Variants in FNIP1 observed in about 807,000 individuals in gnomAD.
The protein encoded by FNIP1 is folliculin-interacting protein 1.
FNIP1 carries 40 observed loss-of-function variants against 124.5 expected under a neutral mutation model. The ratio of observed to expected loss-of-function variants is 0.32; its 90% confidence interval spans 0.25 to 0.42. The LOEUF (loss-of-function observed/expected upper bound fraction) is 0.42, where lower values mean the gene tolerates loss of function less well. Ranked by LOEUF, FNIP1 falls within the 10% of genes least tolerant of loss-of-function variation. The pLI is 1.00. For synonymous variants in FNIP1, 472 were observed against 470.6 expected, an observed-to-expected ratio of 1.00 and a Z score of -0.04; for missense variants, 1,176 against 1,403.7, an observed-to-expected ratio of 0.84 and a Z score of 2.59.
At chr5:131,719,204 T>A in intron 4 of FNIP1, 113 bp downstream of exon 4, 3 of 1,161,032 alleles carry the variant, frequency 2.6e-6, no homozygotes, top group Non-Finnish European at 3.7e-6. Context: ...ATAGAACATG[T>A]TAAATGGAGT....
intron 16 of FNIP1, among the ~76,000 whole-genome samples, chr5:131,650,039 G>C (rs1299401913): frequency 1.3e-5 from 2 of 152,118 alleles, no homozygotes; most frequent in East Asian, 1.9e-4. Flanking sequence ...AATAAGTTTT[G>C]AAATCAAGAA....
chr5:131,709,220 G>A lies in FNIP1; in HGVS notation c.759C>T (p.Asp253=). The A allele has an allele frequency of 6.2e-7, 1 of 1,614,004 alleles. No individual in the cohort carries two copies. The highest frequency in any genetic ancestry group is 8.5e-7 in the Non-Finnish European group (1 of 1,179,904). Residue 253 remains aspartate (D), a synonymous_variant, in exon 8 of 18, where the codon GAC becomes GAT. Coordinates refer to ENST00000510461, the MANE Select transcript of FNIP1 (RefSeq NM_133372.3). ...CATTACCAGACCGTGCTATGCCACT[G>A]TCTCTGTCCTCATTGAGCTCTCTTC... is the stretch of plus-strand genomic sequence containing the variant. ...MPGRELNEDR[D]SGIARSASLS...
intron 2 of FNIP1, among the ~76,000 whole-genome samples, chr5:131,734,612 A>G (rs1770221896): frequency 6.6e-6 from 1 of 152,206 alleles, no homozygotes. Flanking sequence ...ACAAATTTAC[A>G]AGAAAAAAAA....
chr5:131,659,560 A>G (rs1767344568), intron 15 of FNIP1, among the ~76,000 whole-genome samples: 1 of 152,178 alleles, frequency 6.6e-6, no homozygotes, highest in Non-Finnish European at 1.5e-5. Flanking sequence ...TGAGGTAGTT[A>G]GTAAGGTCCC....
intron 11 of FNIP1, among the ~76,000 whole-genome samples, chr5:131,692,871 G>A (rs1446488525): frequency 6.6e-6 from 1 of 151,902 alleles, no homozygotes; most frequent in African/African-American, 2.4e-5. Context: ...AGCCAAGTGT[G>A]GAGGCACACA....
At chr5:131,735,497 A>G (rs1395434505) in intron 2 of FNIP1, among the ~76,000 whole-genome samples, 1 of 148,608 alleles carries the variant, frequency 6.7e-6, no homozygotes, top group Non-Finnish European at 1.5e-5. Flanking sequence ...ATATATACGT[A>G]TAAAATATGT....
At chr5:131,750,308 G>A (rs1481007006) in intron 1 of FNIP1, among the ~76,000 whole-genome samples, 5 of 152,196 alleles carry the variant, frequency 3.3e-5, no homozygotes, top group East Asian at 3.9e-4. Flanking sequence ...CTGAAAAAAC[G>A]CAAAGAAGGA....
intron 1 of FNIP1, among the ~76,000 whole-genome samples, chr5:131,762,955 G>A (rs1383173360): frequency 6.6e-6 from 1 of 152,086 alleles, no homozygotes; most frequent in Non-Finnish European, 1.5e-5. Flanking sequence ...TTAATTGTGG[G>A]AGCTAAAAAT....
At chr5:131,722,398 T>C (rs1769697740) in intron 3 of FNIP1, among the ~76,000 whole-genome samples, 1 of 152,216 alleles carries the variant, frequency 6.6e-6, no homozygotes, top group South Asian at 2.1e-4. Flanking sequence ...TCTTAACTGA[T>C]GCAATTATAT....
At chr5:131,779,382 T>G (rs150841203) in intron 1 of FNIP1, among the ~76,000 whole-genome samples, 81 of 152,032 alleles carry the variant, frequency 5.3e-4, no homozygotes, top group African/African-American at 2.0e-3. Flanking sequence ...GATGTATACA[T>G]GAAATGATAA....
rs1180332467 is a variant in FNIP1 at position 131,672,562 on chromosome 5, G to C, written c.1882C>G (p.Gln628Glu). 1 of 1,614,010 alleles carries C rather than the reference G, an allele frequency of 6.2e-7. No homozygotes were observed. Among genetic ancestry groups the C allele is most frequent in the Non-Finnish European group, 8.5e-7 (1 of 1,180,000 alleles). ...CTGTTTTGAATATCTTCTCTCTCTT[G>C]TTGTGAAATGTTCTCTACATTTTGC... ...LGQNVENISQ[Q>E]EREDIQNSSK... The change falls in exon 14 of 18, where the codon CAA becomes GAA. Residue 628 changes from glutamine (Q) to glutamate (E), a missense_variant. Around this residue, in one of 2 missense-constraint regions of FNIP1, gnomAD observed 1,109 missense variants for 1,288.5 expected, o/e 0.86. Coordinates refer to ENST00000510461, the MANE Select transcript of FNIP1 (RefSeq NM_133372.3).
chr5:131,787,620 TTC>T (rs1277801900), intron 1 of FNIP1, among the ~76,000 whole-genome samples: 3 of 152,188 alleles, frequency 2.0e-5, no homozygotes, highest in Admixed American at 1.3e-4. Flanking sequence ...GATACTTAAT[TTC>T]TCTGTGCCTG....
intron 1 of FNIP1, among the ~76,000 whole-genome samples, chr5:131,785,726 C>T (rs1043096859): frequency 1.3e-5 from 2 of 152,066 alleles, no homozygotes; most frequent in South Asian, 2.1e-4. Flanking sequence ...AAATATTAGC[C>T]GGGTGCAGTG....
intron 15 of FNIP1, among the ~76,000 whole-genome samples, chr5:131,658,607 G>A (rs1258694193): frequency 2.0e-5 from 3 of 151,944 alleles, no homozygotes; most frequent in Non-Finnish European, 4.4e-5. Context: ...AAATAAAAAA[G>A]TATTAAGGTG....
chr5:131,697,397 T>G (rs1400790970), intron 11 of FNIP1, among the ~76,000 whole-genome samples: 1 of 152,092 alleles, frequency 6.6e-6, no homozygotes, highest in Non-Finnish European at 1.5e-5. Context: ...AGTACTGGGA[T>G]TACAGGCACA....
chr5:131,656,138 T>C (rs140303377), intron 15 of FNIP1, among the ~76,000 whole-genome samples: 33 of 152,264 alleles, frequency 2.2e-4, no homozygotes, highest in African/African-American at 6.3e-4. Flanking sequence ...TTTTCCATCA[T>C]GGTTAGTGTG....
At chr5:131,782,463 G>A (rs1580835721) in intron 1 of FNIP1, among the ~76,000 whole-genome samples, 1 of 152,180 alleles carries the variant, frequency 6.6e-6, no homozygotes, top group Non-Finnish European at 1.5e-5. Flanking sequence ...CAGCTACTCA[G>A]GAGGCTGACG....
At chr5:131,716,514 T>G in intron 6 of FNIP1, 51 bp downstream of exon 6, 2 of 1,253,298 alleles carry the variant, frequency 1.6e-6, no homozygotes, top group South Asian at 1.3e-5. Flanking sequence ...AAAAAACACT[T>G]GTTACCCTGC....
chr5:131,704,845 G>GT (rs1236846217), intron 9 of FNIP1, among the ~76,000 whole-genome samples: 4 of 151,938 alleles, frequency 2.6e-5, no homozygotes, highest in African/African-American at 4.8e-5. Context: ...AAAACAAAGG[G>GT]TAAAGGCATC....
Sources: allele counts gnomAD v4.1 joint callset (sites outside exome capture counted in the v4.1 genomes callset), GRCh38; gene constraint gnomAD v4.1.1; regional missense constraint gnomAD v4.1.1; transcripts MANE v1.5; gene names NCBI Gene and HGNC (gene_info 2026-07-23, HGNC 2026-07-21).